Variants in FARS2 observed in about 807,000 individuals in gnomAD.
The protein encoded by FARS2 is phenylalanyl-tRNA synthetase 2, mitochondrial, also known as phenylalanine--tRNA ligase, mitochondrial.
FARS2 carries 40 observed loss-of-function variants against 46.4 expected under a neutral mutation model. That is an observed-to-expected ratio of 0.86 (90% CI 0.67 to 1.12). The LOEUF (loss-of-function observed/expected upper bound fraction) is 1.12, where lower values mean the gene tolerates loss of function less well. Among genes scored for constraint, FARS2 ranks in the 50% most tolerant of loss-of-function variants. FARS2 has a pLI of 0.00. For missense variants in FARS2, 513 were observed against 567.9 expected, an observed-to-expected ratio of 0.90 and a Z score of 0.98; for synonymous variants, 234 against 214.9, an observed-to-expected ratio of 1.09 and a Z score of -0.78.
At position 5,714,092 on chromosome 6, in the gene FARS2, G is replaced by A. The variant is rs184911099; in HGVS notation, c.1218-57199G>A. Among the ~76,000 whole-genome samples the A allele has an allele frequency of 5.3e-5, 8 of 152,294 alleles. No individual in the cohort carries two copies. The East Asian group carries it at 1.2e-3, about 22-fold the overall frequency. ...CCATTGTGTGTGTGTGTGAGTGCGC[G>A]TGTGTCGAGCTTTGCTTTCAGAGTG... On this transcript the variant is annotated intron_variant, in intron 6 of 6. Coordinates refer to ENST00000274680, the MANE Select transcript of FARS2 (RefSeq NM_006567.5).
chr6:5,358,718 G>T (rs1758097118), intron 1 of FARS2, among the ~76,000 whole-genome samples: 1 of 152,098 alleles, frequency 6.6e-6, no homozygotes, highest in African/African-American at 2.4e-5. Context: ...GATTAATTTT[G>T]CAGTGTCTTT....
At chr6:5,400,962 C>CT (rs1761221752) in intron 2 of FARS2, among the ~76,000 whole-genome samples, 2 of 151,836 alleles carry the variant, frequency 1.3e-5, no homozygotes, top group African/African-American at 4.8e-5. Context: ...TTGAATTCTA[C>CT]TTTTTCTGAT....
chr6:5,413,915 T>G (rs1330635953), intron 3 of FARS2, among the ~76,000 whole-genome samples: 1 of 152,222 alleles, frequency 6.6e-6, no homozygotes, highest in Non-Finnish European at 1.5e-5. Flanking sequence ...AAAATCTAGG[T>G]GACTGGCTGT....
chr6:5,620,274 A>G (rs1052303091), intron 6 of FARS2, among the ~76,000 whole-genome samples: 4 of 152,164 alleles, frequency 2.6e-5, no homozygotes, highest in African/African-American at 4.8e-5. Flanking sequence ...GGTAGGCAAA[A>G]TTGCCCCCAG....
chr6:5,451,708 A>G lies in FARS2; in HGVS notation c.904+20536A>G, dbSNP rs145202408. ...TACTTTCTTTTGGAGTTTATTATGC[A>G]TATGTATGGTTTATTCAGCAGGCAT... On this transcript the variant is annotated intron_variant, in intron 4 of 6. Transcript: ENST00000274680. 3.4e-3 allele frequency: 512 copies of G among 152,326 alleles called. 6 individuals are homozygous for G. Among genetic ancestry groups the G allele is most frequent in the African/African-American group, 0.012 (496 of 41,568 alleles). The allele number at this position is 152,326 out of a possible 1,614,324, so 9.4% of individuals were successfully genotyped here.
chr6:5,482,828 T>A (rs1766549493), intron 4 of FARS2, among the ~76,000 whole-genome samples: 1 of 152,200 alleles, frequency 6.6e-6, no homozygotes, highest in South Asian at 2.1e-4. Flanking sequence ...GTCAGCACTT[T>A]CCAGAAATTA....
At chr6:5,300,906 G>T (rs1214931260) in intron 1 of FARS2, among the ~76,000 whole-genome samples, 1 of 151,680 alleles carries the variant, frequency 6.6e-6, no homozygotes, top group African/African-American at 2.4e-5. Context: ...ATGGGGTCTT[G>T]CTGTGTTTTG....
At chr6:5,443,230 G>A (rs915603147) in intron 4 of FARS2, among the ~76,000 whole-genome samples, 9 of 152,200 alleles carry the variant, frequency 5.9e-5, no homozygotes, top group African/African-American at 1.7e-4. Flanking sequence ...CTTTTTACAT[G>A]TAGAAGCTGT....
chr6:5,659,866 C>T (rs9328325), intron 6 of FARS2, among the ~76,000 whole-genome samples: 92,058 of 152,164 alleles, frequency 0.6, 30,220 homozygotes, highest in South Asian at 0.77. Context: ...GAGTTGTTCA[C>T]AGGTATTTCA....
intron 6 of FARS2, among the ~76,000 whole-genome samples, chr6:5,736,965 C>T (rs1203930398): frequency 6.6e-6 from 1 of 152,174 alleles, no homozygotes; most frequent in Non-Finnish European, 1.5e-5. Flanking sequence ...CTTCCTCTCG[C>T]CCTCCACACT....
At chr6:5,325,241 G>C (rs1188027342) in intron 1 of FARS2, among the ~76,000 whole-genome samples, 4 of 152,186 alleles carry the variant, frequency 2.6e-5, no homozygotes, top group East Asian at 1.9e-4. Flanking sequence ...AAAGGATAGA[G>C]GAACTGCTGA....
chr6:5,344,446 A>T, intron 1 of FARS2, among the ~76,000 whole-genome samples: 1 of 152,076 alleles, frequency 6.6e-6, no homozygotes, highest in Non-Finnish European at 1.5e-5. Context: ...TCTTGAGTAT[A>T]CTGTACCTCC....
intron 6 of FARS2, among the ~76,000 whole-genome samples, chr6:5,686,687 G>T (rs1757254750): frequency 6.6e-6 from 1 of 152,184 alleles, no homozygotes; most frequent in African/African-American, 2.4e-5. Context: ...CTTTATAACA[G>T]CATGTTTTAT....
At chr6:5,394,845 A>C (rs922231076) in intron 2 of FARS2, among the ~76,000 whole-genome samples, 2 of 152,130 alleles carry the variant, frequency 1.3e-5, no homozygotes, top group Non-Finnish European at 1.5e-5. Context: ...ATGCTCGTTA[A>C]CTTTTGACGT....
intron 1 of FARS2, among the ~76,000 whole-genome samples, chr6:5,309,163 G>T (rs940441509): frequency 6.6e-6 from 1 of 152,264 alleles, no homozygotes; most frequent in Non-Finnish European, 1.5e-5. Context: ...TGAAATAAAG[G>T]TTGTCTCTGC....
At chr6:5,744,415 C>CATTACA in intron 6 of FARS2, among the ~76,000 whole-genome samples, 1 of 152,322 alleles carries the variant, frequency 6.6e-6, no homozygotes, top group East Asian at 1.9e-4. Flanking sequence ...GTAAATTACC[C>CATTACA]ATTACAGCAG....
At position 5,471,850 on chromosome 6, in the gene FARS2, G is replaced by C. The variant is rs552912971; in HGVS notation, c.904+40678G>C. On this transcript the variant is annotated intron_variant, in intron 4 of 6. Transcript: ENST00000274680. The surrounding 1 kb of genome is among the most constrained non-coding windows in gnomAD (Gnocchi z 4.1). ...TTGAGCCCAGGGAAGCTGCAGTGTG[G>C]TGCAGCAGATGCGTACTGGTGGTTG... Among the ~76,000 whole-genome samples the C allele has an allele frequency of 6.6e-6, 1 of 152,184 alleles. No individual in the cohort carries two copies. The highest frequency in any genetic ancestry group is 1.5e-5 in the Non-Finnish European group (1 of 68,030).
intron 4 of FARS2, among the ~76,000 whole-genome samples, chr6:5,461,325 C>G (rs914714906): frequency 3.3e-5 from 5 of 152,206 alleles, no homozygotes; most frequent in African/African-American, 1.2e-4. Context: ...CAGGCATGAG[C>G]CACCACGCCT....
chr6:5,753,544 G>A (rs1324947573), intron 6 of FARS2, among the ~76,000 whole-genome samples: 1 of 152,096 alleles, frequency 6.6e-6, no homozygotes, highest in Non-Finnish European at 1.5e-5. Context: ...CTGTGGCACG[G>A]AGCTGTCAGT....
Sources: gnomAD v4.1 joint callset for allele counts (sites outside exome capture counted in the v4.1 genomes callset) on GRCh38, gnomAD v4.1.1 for gene constraint, Gnocchi (gnomAD v3.1) non-coding constraint, MANE v1.5 for transcripts, NCBI Gene and HGNC (gene_info 2026-07-23, HGNC 2026-07-21) for gene names.